The following SLC25A30 variants were observed in gnomAD, a reference collection of about 807,000 sequenced individuals.
The protein encoded by SLC25A30 is kidney mitochondrial carrier protein 1.
SLC25A30 carries 29 observed loss-of-function variants against 42.7 expected under a neutral mutation model. That is an observed-to-expected ratio of 0.68 (90% CI 0.51 to 0.93). The LOEUF is 0.93. Ranked by LOEUF, SLC25A30 falls within the 40% of genes least tolerant of loss-of-function variation. SLC25A30 has a pLI of 0.00. For missense variants in SLC25A30, 300 were observed against 359.7 expected, an observed-to-expected ratio of 0.83 and a Z score of 1.34; for synonymous variants, 124 against 131.0, an observed-to-expected ratio of 0.95 and a Z score of 0.37.
chr13:45,393,354 T>C lies in SLC25A30; in HGVS notation c.*2620A>G. On this transcript the variant is annotated 3_prime_UTR_variant, in exon 10 of 10. Coordinates refer to ENST00000519676, the MANE Select transcript of SLC25A30 (RefSeq NM_001010875.4). Reference sequence around the variant, plus strand: ...ATATTACTCCAGTTTATTAAATAAATGAAACAAGGCTTATGCCACATATTC... The same window carrying C: ...ATATTACTCCAGTTTATTAAATAAACGAAACAAGGCTTATGCCACATATTC... 1 of 973,224 alleles carries C rather than the reference T, an allele frequency of 1.0e-6. No homozygotes were observed. The highest frequency in any genetic ancestry group is 4.8e-5 in the South Asian group (1 of 21,002). The allele number at this position is 973,224 out of a possible 1,614,324, so 60.3% of individuals were successfully genotyped here. A position where few individuals can be genotyped will look rare whatever the true frequency, so the allele number is the denominator to read the frequency against.
At chr13:45,414,758 T>C (rs1214713893) in intron 1 of SLC25A30, among the ~76,000 whole-genome samples, 1 of 152,154 alleles carries the variant, frequency 6.6e-6, no homozygotes, top group Admixed American at 6.5e-5. Flanking sequence ...GGGCTATAAG[T>C]ATCTTAGGCT....
At chr13:45,400,033 TACACACACACACAC>T (rs71184413) in intron 7 of SLC25A30, among the ~76,000 whole-genome samples, 1 of 122,990 alleles carries the variant, frequency 8.1e-6, no homozygotes, top group African/African-American at 3.0e-5. Flanking sequence ...TATATATATA[TACACACACACACAC>T]ACACACACAC....
Position 45,397,308 on chromosome 13 carries a change from A to G in SLC25A30, c.784T>C (p.Tyr262His), listed in dbSNP as rs781522993. 49 of 1,612,690 alleles carry G rather than the reference A, an allele frequency of 3.0e-5. No homozygotes were observed. In the Admixed American group the frequency reaches 4.7e-4, roughly 15 times the overall value. ...TWKNEGFFALYKGFWPNWLRL... is the reference protein window; with the variant it reads ...TWKNEGFFALHKGFWPNWLRL... ...AACCAATTTGGCCAAAAGCCTTTAT[A>G]GAGAGCAAAAAACCCTTCATTCTTC... The change falls in exon 9 of 10, where the codon TAT becomes CAT. Residue 262 changes from tyrosine to histidine, a missense_variant. Coordinates refer to ENST00000519676, the MANE Select transcript of SLC25A30 (RefSeq NM_001010875.4).
rs1881185533 is a variant in SLC25A30, at chr13:45,394,695, AAG to A, written c.*1277_*1278del. 1 of 985,048 alleles carries A rather than the reference AAG, an allele frequency of 1.0e-6. No individual in the cohort carries two copies. Among genetic ancestry groups the A allele is most frequent in the East Asian group, 1.1e-4 (1 of 8,806 alleles). The allele number at this position is 985,048 out of a possible 1,614,324, so 61.0% of individuals were successfully genotyped here. A position where few individuals can be genotyped will look rare whatever the true frequency, so the allele number is the denominator to read the frequency against. On this transcript the variant is annotated 3_prime_UTR_variant, in exon 10 of 10. Coordinates refer to ENST00000519676, the MANE Select transcript of SLC25A30 (RefSeq NM_001010875.4). ...AGAGTAAAGAATAAGAAAATAGAAA[AAG>A]AAAAAAAGAAGAGGGAGAATGACTT...
chr13:45,404,427 A>C lies in SLC25A30; in HGVS notation c.308-15T>G. 6.4e-7 allele frequency: 1 copy of C among 1,550,916 alleles called. No homozygotes were observed. Among genetic ancestry groups the C allele is most frequent in the Non-Finnish European group, 8.9e-7 (1 of 1,122,502 alleles). ...TAGAGTTTCATCTGTAAACAATGACACATTATTTGACTCTACATATTTAGA... is the reference window on the plus strand; with the variant it reads ...TAGAGTTTCATCTGTAAACAATGACCCATTATTTGACTCTACATATTTAGA... On this transcript the variant is annotated splice_polypyrimidine_tract_variant and intron_variant, in intron 4 of 9. Coordinates refer to ENST00000519676, the MANE Select transcript of SLC25A30 (RefSeq NM_001010875.4).
At chr13:45,418,956 A>AGCC (rs1883774351), upstream of SLC25A30, among the ~76,000 whole-genome samples, 1 of 71,286 alleles carries the variant, frequency 1.4e-5, no homozygotes, top group African/African-American at 6.8e-5. Context: ...AAAAAAAAAA[A>AGCC]AAAAAAAAAA....
chr13:45,399,406 G>A (rs915452549), intron 7 of SLC25A30, among the ~76,000 whole-genome samples: 2 of 151,932 alleles, frequency 1.3e-5, no homozygotes, highest in Non-Finnish European at 2.9e-5. Flanking sequence ...ACGGGGTTTC[G>A]CCATGTTGGC....
the SLC25A30 span, among the ~76,000 whole-genome samples, chr13:45,423,678 T>TATATATAAAAATATATAAAAA: frequency 2.5e-4 from 5 of 19,670 alleles, no homozygotes; most frequent in East Asian, 3.5e-3. Flanking sequence ...AAATACATAT[T>TATATATAAAAATATATAAAAA]TATATAAATA....
At chr13:45,432,199 G>C in the SLC25A30 span, among the ~76,000 whole-genome samples, 1 of 151,586 alleles carries the variant, frequency 6.6e-6, no homozygotes, top group African/African-American at 2.4e-5. Flanking sequence ...GACTCTGGGA[G>C]GTGAAGATTG....
chr13:45,423,352 T>A (rs1461432432), upstream of SLC25A30, among the ~76,000 whole-genome samples: 1 of 151,326 alleles, frequency 6.6e-6, no homozygotes, highest in Non-Finnish European at 1.5e-5. Flanking sequence ...TCTGGTGAGC[T>A]GTACTTAGAA....
chr13:45,399,862 A>C (rs981824365), intron 7 of SLC25A30, among the ~76,000 whole-genome samples: 5 of 152,030 alleles, frequency 3.3e-5, no homozygotes, highest in Middle Eastern at 3.4e-3. Context: ...ACCACAGACC[A>C]TACTTTATAT....
At chr13:45,432,697 T>C in the SLC25A30 span, among the ~76,000 whole-genome samples, 4 of 150,764 alleles carry the variant, frequency 2.7e-5, no homozygotes, top group African/African-American at 9.8e-5. Context: ...GCCAGGTATA[T>C]CTATAGGACA....
In SLC25A30 at chr13:45,405,957, C is replaced by T. The variant is rs746653798; in HGVS notation, c.233G>A (p.Arg78His). The change falls in exon 4 of 10, where the codon CGC (arginine) becomes CAC (histidine). Residue 78 changes from arginine (R) to histidine (H), a missense_variant. Arg to His is a conservative substitution (Grantham distance 29, BLOSUM62 0). Coordinates refer to ENST00000519676, the MANE Select transcript of SLC25A30 (RefSeq NM_001010875.4). ...LYSGIAPAML[R>H]QASYGTIKIG... The stretch of plus-strand genomic sequence containing the variant: ...CTTGATGGTGCCATAGGATGCCTGG[C>T]GTAACATCGCGGGGGCAATCCTGTT... 3 of 1,614,024 alleles carry T rather than the reference C, an allele frequency of 1.9e-6. No individual in the cohort carries two copies. The highest frequency in any genetic ancestry group is 3.3e-5 in the Admixed American group (2 of 59,992).
At chr13:45,416,179 G>A (rs561082493) in intron 1 of SLC25A30, among the ~76,000 whole-genome samples, 18 of 151,952 alleles carry the variant, frequency 1.2e-4, no homozygotes, top group South Asian at 4.2e-4. Context: ...AGGCCGAGGC[G>A]GGTGGATCAC....
At chr13:45,413,372 A>G (rs1356647193) in intron 1 of SLC25A30, among the ~76,000 whole-genome samples, 1 of 152,198 alleles carries the variant, frequency 6.6e-6, no homozygotes, top group Non-Finnish European at 1.5e-5. Context: ...CCTATTAATA[A>G]TAAATCCAAT....
intron 4 of SLC25A30, among the ~76,000 whole-genome samples, chr13:45,405,391 C>A (rs539270442): frequency 1.3e-5 from 2 of 152,196 alleles, no homozygotes; most frequent in Non-Finnish European, 2.9e-5. Context: ...TCCAAAGCAT[C>A]TTAGCTCTTG....
intron 1 of SLC25A30, among the ~76,000 whole-genome samples, chr13:45,417,850 C>T (rs9805457): frequency 0.31 from 47,382 of 152,182 alleles, 8,959 homozygotes; most frequent in Non-Finnish European, 0.43. Context: ...CGAGCGATTC[C>T]GAATGTGGTG....
At chr13:45,425,286 G>T in the SLC25A30 span, among the ~76,000 whole-genome samples, 1 of 97,394 alleles carries the variant, frequency 1.0e-5, no homozygotes, top group African/African-American at 4.6e-5. Context: ...ATAAATATAT[G>T]TACGTATATA....
chr13:45,403,798 C>T (rs879905335), intron 5 of SLC25A30, among the ~76,000 whole-genome samples: 12 of 151,814 alleles, frequency 7.9e-5, no homozygotes, highest in African/African-American at 2.4e-4. Context: ...TAGCTAGGCA[C>T]GGTGGCAGGT....
Sources: allele counts gnomAD v4.1 joint callset (sites outside exome capture counted in the v4.1 genomes callset), GRCh38; gene constraint gnomAD v4.1.1; transcripts MANE v1.5; gene names NCBI Gene and HGNC (gene_info 2026-07-23, HGNC 2026-07-21).